Variants in CCN4 observed in about 807,000 individuals in gnomAD.
CCN4 encodes the protein CCN family member 4.
A neutral mutation model predicts 36.7 loss-of-function variants in CCN4; 30 were observed. The ratio of observed to expected loss-of-function variants is 0.82; its 90% confidence interval spans 0.61 to 1.11. The LOEUF is 1.11. Ranked by LOEUF, CCN4 falls within the 50% of genes least tolerant of loss-of-function variation. CCN4 has a pLI of 0.00. For missense variants in CCN4, 505 were observed against 504.9 expected (o/e 1.00, Z 0.00); for synonymous variants, 191 against 195.4 (o/e 0.98, Z 0.19).
chr8:133,214,790 T>G (rs1854259693), intron 2 of CCN4, among the ~76,000 whole-genome samples: 1 of 152,164 alleles, frequency 6.6e-6, no homozygotes. Context: ...CCCTTAGTGC[T>G]GAATCAAGCC....
At position 133,194,114 on chromosome 8, in the gene CCN4, C is replaced by G. The variant is rs183288835; in HGVS notation, c.69+2901C>G. Among the ~76,000 whole-genome samples, 137 of 152,264 alleles carry G rather than the reference C, an allele frequency of 9.0e-4. 1 individual carries two copies. The highest frequency in any genetic ancestry group is 3.2e-3 in the African/African-American group (132 of 41,546). ...GCAAACGAAAGCTGAGTGATAAAAT[C>G]CTGGGCAAGCATTAGGCCTGTGGTG... On this transcript the variant is annotated intron_variant, in intron 1 of 4. Coordinates refer to ENST00000250160, the MANE Select transcript of CCN4 (RefSeq NM_003882.4).
chr8:133,217,880 C>T (rs1408911671), intron 2 of CCN4, among the ~76,000 whole-genome samples: 5 of 151,036 alleles, frequency 3.3e-5, no homozygotes, highest in African/African-American at 1.2e-4. Flanking sequence ...ACTGACCTCT[C>T]CCTCCAAAGT....
intron 1 of CCN4, among the ~76,000 whole-genome samples, chr8:133,197,701 G>A (rs974786155): frequency 6.6e-6 from 1 of 152,178 alleles, no homozygotes; most frequent in African/African-American, 2.4e-5. Context: ...CAATCTGGAG[G>A]CAAGTTCAGG....
intron 3 of CCN4, among the ~76,000 whole-genome samples, chr8:133,223,157 C>A (rs72731543): frequency 0.033 from 5,037 of 152,152 alleles, 145 homozygotes; most frequent in African/African-American, 0.083. Context: ...AGCCCCAGGG[C>A]AGCAAGGCAG....
At chr8:133,212,707 A>T (rs1030029175) in intron 1 of CCN4, among the ~76,000 whole-genome samples, 157 bp from the exon 2 acceptor site, 3 of 152,200 alleles carry the variant, frequency 2.0e-5, no homozygotes, top group Non-Finnish European at 4.4e-5. Context: ...TTTTACTGAG[A>T]ATAAAGGAGA....
At chr8:133,201,293 A>G (rs1418586210) in intron 1 of CCN4, among the ~76,000 whole-genome samples, 4 of 152,256 alleles carry the variant, frequency 2.6e-5, no homozygotes, top group Non-Finnish European at 5.9e-5. Flanking sequence ...AATCACAAGG[A>G]TTAAATTACT....
intron 2 of CCN4, among the ~76,000 whole-genome samples, chr8:133,220,200 T>TC: frequency 6.6e-6 from 1 of 152,232 alleles, no homozygotes; most frequent in African/African-American, 2.4e-5. Context: ...CTGGCTTTTT[T>TC]TTTACAAGTC....
intron 1 of CCN4, among the ~76,000 whole-genome samples, chr8:133,199,504 T>C (rs1209002919): frequency 1.3e-5 from 2 of 152,062 alleles, no homozygotes; most frequent in Non-Finnish European, 2.9e-5. Context: ...GTGTGGAGCA[T>C]GTGTCGAGAA....
rs552625804 is a variant in CCN4, at chr8:133,220,830, C to G, written c.599C>G (p.Thr200Arg). 29 of 1,599,030 alleles carry G rather than the reference C, an allele frequency of 1.8e-5. No homozygotes were observed. In the South Asian group the frequency reaches 3.1e-4, roughly 17 times the overall value. ...KRPRKTAPRD[T>R]GAFDAVGEVE... Reference sequence around the variant, plus strand: ...CCACGCAAGACCGCACCCCGTGACACAGGAGCCTTCGGTGGGTGTGGGCCC... The same window carrying G: ...CCACGCAAGACCGCACCCCGTGACAGAGGAGCCTTCGGTGGGTGTGGGCCC... Residue 200 changes from threonine to arginine, a missense_variant, in exon 3 of 5, where the codon ACA becomes AGA. Thr to Arg is a moderately conservative substitution (Grantham distance 71). Coordinates refer to ENST00000250160, the MANE Select transcript of CCN4 (RefSeq NM_003882.4).
chr8:133,202,406 A>C (rs997216067), intron 1 of CCN4, among the ~76,000 whole-genome samples: 1 of 152,170 alleles, frequency 6.6e-6, no homozygotes, highest in South Asian at 2.1e-4. Flanking sequence ...TGTCTCTGAC[A>C]CTGGCCACTG....
chr8:133,203,588 C>T (rs1169133727), intron 1 of CCN4, among the ~76,000 whole-genome samples: 5 of 152,178 alleles, frequency 3.3e-5, no homozygotes, highest in African/African-American at 9.7e-5. Flanking sequence ...ACATCACCAT[C>T]ATTTTACAAA....
In CCN4 at chr8:133,212,167, G is replaced by A. The variant is rs1421747861; in HGVS notation, c.70-697G>A. Among the ~76,000 whole-genome samples the A allele has an allele frequency of 5.3e-5, 8 of 152,184 alleles. No homozygotes were observed. The Middle Eastern group carries it at 0.01, about 194-fold the overall frequency. On this transcript the variant is annotated intron_variant, in intron 1 of 4. Transcript: ENST00000250160. ...GGAGTGTGTATGTGTTGGGTGGGGG[G>A]TCTCATTGCCCTGACAGCAAAATAA...
At chr8:133,194,389 G>T (rs560948809) in intron 1 of CCN4, among the ~76,000 whole-genome samples, 3 of 118,024 alleles carry the variant, frequency 2.5e-5, no homozygotes, top group African/African-American at 3.2e-5. Context: ...GTGTGTGTGT[G>T]GTGTGTGGGG....
chr8:133,205,409 A>C (rs970778278), intron 1 of CCN4, among the ~76,000 whole-genome samples: 1 of 152,116 alleles, frequency 6.6e-6, no homozygotes, highest in Non-Finnish European at 1.5e-5. Flanking sequence ...TTCCCTAGAC[A>C]ACACTCTCCT....
chr8:133,199,809 A>G (rs1482833364), intron 1 of CCN4, among the ~76,000 whole-genome samples: 1 of 152,104 alleles, frequency 6.6e-6, no homozygotes, highest in African/African-American at 2.4e-5. Flanking sequence ...CTCTTAGATG[A>G]TCAAAGAGCC....
Position 133,225,467 on chromosome 8 carries a change from T to C in CCN4, c.688T>C (p.Cys230Arg). Reference sequence around the variant, plus strand: ...CCCCTGGAGCCCTTGCTCCACCAGCTGCGGCCTGGGGGTCTCCACTCGGAT... The same window carrying C: ...CCCCTGGAGCCCTTGCTCCACCAGCCGCGGCCTGGGGGTCTCCACTCGGAT... ...TSPWSPCSTS[C>R]GLGVSTRISN... The change falls in exon 4 of 5, where the codon TGC (cysteine) becomes CGC (arginine). Residue 230 changes from cysteine to arginine, a missense_variant. Cys to Arg is a radical substitution (Grantham distance 180). Transcript: ENST00000250160. The C allele has an allele frequency of 6.2e-7, 1 of 1,614,106 alleles. No homozygotes were observed. Among genetic ancestry groups the C allele is most frequent in the South Asian group, 1.1e-5 (1 of 91,070 alleles).
chr8:133,227,093 A>C (rs748877997), intron 4 of CCN4, among the ~76,000 whole-genome samples: 27 of 152,198 alleles, frequency 1.8e-4, no homozygotes, highest in Non-Finnish European at 3.5e-4. Flanking sequence ...GGAGCTACAT[A>C]GGCTCCCCAT....
intron 1 of CCN4, among the ~76,000 whole-genome samples, chr8:133,198,865 G>T (rs986877930): frequency 2.0e-5 from 3 of 152,152 alleles, no homozygotes; most frequent in African/African-American, 7.2e-5. Context: ...CAGGGCCTTT[G>T]CACATGCTGT....
In CCN4 at chr8:133,204,891, G is replaced by A. The variant is rs192601587; in HGVS notation, c.70-7973G>A. 1.1e-4 allele frequency among the ~76,000 whole-genome samples: 17 copies of A among 152,332 alleles called. 1 individual carries two copies. The highest frequency in any genetic ancestry group is 2.0e-4 in the Admixed American group (3 of 15,308). On this transcript the variant is annotated intron_variant, in intron 1 of 4. Coordinates refer to ENST00000250160, the MANE Select transcript of CCN4 (RefSeq NM_003882.4). ...ATTTTAACAAGTTTCACAGGCCAGTGATTCTGAAACTTTGGGGCATTCAGA... is the reference window on the plus strand; with the variant it reads ...ATTTTAACAAGTTTCACAGGCCAGTAATTCTGAAACTTTGGGGCATTCAGA...
Sources: allele counts gnomAD v4.1 joint callset (sites outside exome capture counted in the v4.1 genomes callset), GRCh38; gene constraint gnomAD v4.1.1; transcripts MANE v1.5; gene names NCBI Gene and HGNC (gene_info 2026-07-23, HGNC 2026-07-21).